Variants in MYO1F observed in about 807,000 individuals in gnomAD.
The protein encoded by MYO1F is myosin IF, also known as unconventional myosin-If.
Under a neutral mutation model 146.6 loss-of-function variants are expected in MYO1F, and 60 were observed. The ratio of observed to expected loss-of-function variants is 0.41; its 90% CI spans 0.33 to 0.51. MYO1F has a LOEUF of 0.51. Ranked by LOEUF, MYO1F falls within the 20% of genes least tolerant of loss-of-function variation. The pLI is 0.25. For missense variants in MYO1F, 1,274 were observed against 1,534.3 expected (o/e 0.83, Z 2.83); for synonymous variants, 602 against 602.1 (o/e 1.00, Z 0.00).
In MYO1F at chr19:8,526,895, C is replaced by T. The variant is rs115485773; in HGVS notation, c.2515G>A (p.Ala839Thr). The change falls in exon 23 of 28, where the codon GCC becomes ACC. Residue 839 changes from alanine (A) to threonine (T), a missense_variant. By Grantham distance (58) the Ala-to-Thr change is moderately conservative. Coordinates refer to ENST00000644032, the MANE Select transcript of MYO1F (RefSeq NM_012335.4). Reference protein sequence around the residue: ...DDFFILQEDAADSFLESVFKT... With the variant: ...DDFFILQEDATDSFLESVFKT... ...AAGACGCTCTCCAGGAAGCTGTCGG[C>T]GGCATCCTCTTGGAGGATGAAGAAG... 9.0e-4 allele frequency: 1,457 copies of T among 1,613,970 alleles called. 21 individuals are homozygous for T. In the African/African-American group the frequency reaches 0.016, roughly 18 times the overall value.
chr19:8,553,211 G>T lies in MYO1F; in HGVS notation c.432C>A (p.Ile144=). Residue 144 remains isoleucine, a synonymous_variant, in exon 6 of 28, where the codon ATC becomes ATA. Coordinates refer to ENST00000644032, the MANE Select transcript of MYO1F (RefSeq NM_012335.4). The stretch of plus-strand genomic sequence containing the variant: ...CCTCGAGCAGCGGGTTGGACTGCAG[G>T]ATGATATCTTTGACGTGCTGGGGCA... ...GEKVQHVKDI[I]LQSNPLLEAF... 2 of 1,614,198 alleles carry T rather than the reference G, an allele frequency of 1.2e-6. No homozygotes were observed. Among genetic ancestry groups the T allele is most frequent in the Non-Finnish European group, 1.7e-6 (2 of 1,180,034 alleles).
At chr19:8,525,923 C>T (rs1398879372) in intron 24 of MYO1F, among the ~76,000 whole-genome samples, 1 of 152,154 alleles carries the variant, frequency 6.6e-6, no homozygotes, top group Non-Finnish European at 1.5e-5. Flanking sequence ...TGCTGTTGCC[C>T]TCTCTGGTCC....
In MYO1F at chr19:8,542,065, G is replaced by A. The variant is rs866377495; in HGVS notation, c.1525-74C>T. On this transcript the variant is annotated intron_variant, in intron 14 of 27. Transcript: ENST00000644032. ...GGAGGGTGGGCGTGGGGTGCTTACA[G>A]CCCAGGTGGTCAAGGCTTTCCTGGG... The A allele has an allele frequency of 3.9e-5, 48 of 1,223,892 alleles. No individual in the cohort carries two copies. The Middle Eastern group carries it at 1.4e-3, about 35-fold the overall frequency. 75.8% of individuals were successfully genotyped at this position (1,223,892 alleles called of 1,614,324 possible).
At chr19:8,521,753 T>C in intron 27 of MYO1F, 149 bp from the exon 28 acceptor site, 1 of 740,770 alleles carries the variant, frequency 1.3e-6, no homozygotes, top group Non-Finnish European at 2.4e-6. Context: ...TGCCTCAGCC[T>C]CCCAAAGTGC....
intron 21 of MYO1F, 57 bp from the exon 22 acceptor site, chr19:8,527,540 A>G: frequency 6.2e-7 from 1 of 1,600,634 alleles, no homozygotes; most frequent in Non-Finnish European, 8.5e-7. Context: ...CTGGCCACAG[A>G]GGATCCACCC....
At chr19:8,543,675 C>CTGGTGCTGGTGGTGGTGCTGG (rs1973088599) in intron 14 of MYO1F, among the ~76,000 whole-genome samples, 1 of 36,180 alleles carries the variant, frequency 2.8e-5, no homozygotes, top group Admixed American at 3.1e-4. Flanking sequence ...GGTGGTGGTG[C>CTGGTGCTGGTGGTGGTGCTGG]TGGTGGTGGT....
At chr19:8,546,284 G>T (rs184176681) in intron 12 of MYO1F, among the ~76,000 whole-genome samples, 1 of 151,338 alleles carries the variant, frequency 6.6e-6, no homozygotes, top group Non-Finnish European at 1.5e-5. Flanking sequence ...GGCTGGTCTC[G>T]AACTCCCAAC....
intron 1 of MYO1F, among the ~76,000 whole-genome samples, chr19:8,562,821 A>T (rs377414145): frequency 2.0e-5 from 3 of 152,218 alleles, no homozygotes; most frequent in East Asian, 3.9e-4. Flanking sequence ...GGCATGAGCC[A>T]TGGTGCCTGG....
intron 1 of MYO1F, among the ~76,000 whole-genome samples, chr19:8,561,250 G>A (rs1201116478): frequency 6.6e-6 from 1 of 152,018 alleles, no homozygotes; most frequent in East Asian, 1.9e-4. Context: ...TCTGGGGAAA[G>A]GTGTGGAGGT....
At chr19:8,548,350 G>T in intron 10 of MYO1F, 33 bp from the exon 11 acceptor site, 1 of 1,604,138 alleles carries the variant, frequency 6.2e-7, no homozygotes, top group Non-Finnish European at 8.5e-7. Flanking sequence ...AAGTCAGTGG[G>T]CATCGGTCAG....
intron 1 of MYO1F, among the ~76,000 whole-genome samples, chr19:8,571,329 A>C (rs1600063608): frequency 6.6e-6 from 1 of 152,034 alleles, no homozygotes; most frequent in Non-Finnish European, 1.5e-5. Flanking sequence ...GCGTCCATGC[A>C]CTGTGCAAAC....
At chr19:8,532,778 T>G (rs1972534063) in intron 19 of MYO1F, among the ~76,000 whole-genome samples, 1 of 151,744 alleles carries the variant, frequency 6.6e-6, no homozygotes, top group Non-Finnish European at 1.5e-5. Flanking sequence ...GTCCCAGCTA[T>G]TCCGGAGGGT....
intron 1 of MYO1F, among the ~76,000 whole-genome samples, chr19:8,562,653 G>T (rs1040117084): frequency 6.0e-5 from 9 of 151,092 alleles, no homozygotes; most frequent in Non-Finnish European, 1.3e-4. Context: ...TCCCACCCCA[G>T]CCTCCTGAGT....
At chr19:8,538,084 A>C (rs1477201728) in intron 16 of MYO1F, among the ~76,000 whole-genome samples, 3 of 148,742 alleles carry the variant, frequency 2.0e-5, no homozygotes, top group Non-Finnish European at 3.0e-5. Flanking sequence ...TGATTCTCCC[A>C]CCTCAGCCTT....
chr19:8,576,178 T>C (rs1568383306), intron 1 of MYO1F, among the ~76,000 whole-genome samples: 1 of 152,168 alleles, frequency 6.6e-6, no homozygotes, highest in Non-Finnish European at 1.5e-5. Flanking sequence ...TTGTATTTTT[T>C]AGTAGAGACG....
At position 8,550,166 on chromosome 19, in the gene MYO1F, G is replaced by A. The variant is rs767081806; in HGVS notation, c.1095C>T (p.Leu365=). ...CAGCCCCAGCCCCACTCGCCTCCAC[G>A]AGGAAGTCGAAGAGGCGGGCATAGA... is the stretch of plus-strand genomic sequence containing the variant. ...KGLYARLFDF[L]VEAINRAMQK... is the part of the protein sequence containing the mutation. The change falls in exon 10 of 28, where the codon CTC becomes CTT. Residue 365 remains leucine, a synonymous_variant. Transcript: ENST00000644032. The A allele has an allele frequency of 1.9e-5, 30 of 1,613,906 alleles. No homozygotes were observed. In the Admixed American group the frequency reaches 2.8e-4, roughly 15 times the overall value.
rs534480371 is a variant in MYO1F, at chr19:8,567,764, C to T, written c.3+9543G>A. On this transcript the variant is annotated intron_variant, in intron 1 of 27. Transcript: ENST00000644032. ...CCTTGGGGAGGACCCACGAAGCTGT[C>T]CTTCCCCAGGCTGGTCTGTATCAGA... 1.4e-4 allele frequency among the ~76,000 whole-genome samples: 21 copies of T among 152,266 alleles called. No homozygotes were observed. In the East Asian group the frequency reaches 1.6e-3, roughly 11 times the overall value.
intron 14 of MYO1F, chr19:8,544,051 T>TGGC: frequency 2.0e-6 from 1 of 506,712 alleles, no homozygotes. Flanking sequence ...CTGGTGGTGG[T>TGGC]GGTGGTGGTG....
intron 1 of MYO1F, among the ~76,000 whole-genome samples, chr19:8,571,051 G>A (rs2042097897): frequency 6.6e-6 from 1 of 152,234 alleles, no homozygotes; most frequent in Admixed American, 6.5e-5. Flanking sequence ...AGGAAGGGCT[G>A]GAGGAGGGAG....
Sources: allele counts gnomAD v4.1 joint callset (sites outside exome capture counted in the v4.1 genomes callset), GRCh38; gene constraint gnomAD v4.1.1; transcripts MANE v1.5; gene names NCBI Gene and HGNC (gene_info 2026-07-23, HGNC 2026-07-21).